RPRD2: variants seen among roughly 807,000 people sequenced by gnomAD.
RPRD2 encodes the protein regulation of nuclear pre-mRNA domain-containing protein 2.
A neutral mutation model predicts 104.4 loss-of-function variants in RPRD2; 12 were observed. The ratio of observed to expected loss-of-function variants is 0.11; its 90% CI spans 0.07 to 0.19. The LOEUF is 0.19. Ranked by LOEUF, RPRD2 falls within the 10% of genes least tolerant of loss-of-function variation. The probability of loss-of-function intolerance (pLI) is 1.00; values close to 1 mark genes in which losing one functional copy is unlikely to be tolerated. For synonymous variants in RPRD2, 714 were observed against 684.9 expected (o/e 1.04, Z -0.66); for missense variants, 1,543 against 1,790.1 (o/e 0.86, Z 2.49).
chr1:150,430,661 G>A (rs1412237358), intron 2 of RPRD2, among the ~76,000 whole-genome samples: 1 of 152,196 alleles, frequency 6.6e-6, no homozygotes, highest in African/African-American at 2.4e-5. Context: ...TGGGCGTGGT[G>A]GCTCACGCCT....
intron 7 of RPRD2, among the ~76,000 whole-genome samples, chr1:150,455,443 A>C (rs1164646553): frequency 2.0e-5 from 3 of 152,062 alleles, no homozygotes; most frequent in Non-Finnish European, 1.5e-5. Context: ...CAGAGGTTGC[A>C]GTGAGCCAAG....
chr1:150,432,041 T>G (rs952289206), intron 2 of RPRD2, among the ~76,000 whole-genome samples: 2 of 152,074 alleles, frequency 1.3e-5, no homozygotes, highest in Non-Finnish European at 2.9e-5. Context: ...ACAGTGTGAA[T>G]GTACTTAACT....
intron 1 of RPRD2, among the ~76,000 whole-genome samples, chr1:150,387,651 G>A (rs1038889103): frequency 2.4e-5 from 3 of 124,234 alleles, no homozygotes; most frequent in Non-Finnish European, 3.2e-5. Context: ...GAGTGCAGTG[G>A]CGTGATCTTG....
intron 10 of RPRD2, 106 bp from the exon 11 acceptor site, chr1:150,470,455 A>G (rs1489021352): frequency 1.7e-6 from 2 of 1,195,894 alleles, no homozygotes; most frequent in Non-Finnish European, 2.3e-6. Flanking sequence ...CACTTTGTCT[A>G]TCTGGTTCCC....
intron 1 of RPRD2, among the ~76,000 whole-genome samples, chr1:150,388,347 CACACAT>C (rs1367559602): frequency 2.6e-5 from 3 of 114,974 alleles, no homozygotes; most frequent in African/African-American, 8.8e-5. Context: ...TGTATATACA[CACACAT>C]ATACATATAT....
intron 2 of RPRD2, among the ~76,000 whole-genome samples, chr1:150,439,487 A>G (rs587755047): frequency 6.6e-6 from 1 of 152,326 alleles, no homozygotes; most frequent in African/African-American, 2.4e-5. Context: ...CTCAAAAAAA[A>G]AGAAAATTGT....
At chr1:150,393,467 A>C (rs998597539) in intron 1 of RPRD2, among the ~76,000 whole-genome samples, 7 of 151,682 alleles carry the variant, frequency 4.6e-5, no homozygotes, top group African/African-American at 1.2e-4. Context: ...AAAAAAAAAA[A>C]AAAAAAAAAA....
rs35517552 is a variant in RPRD2 at position 150,437,977 on chromosome 1, TAAAAA to T, written c.336-2930_336-2926del. Among the ~76,000 whole-genome samples the T allele has an allele frequency of 3.9e-5, 5 of 129,636 alleles. No individual in the cohort carries two copies. In the South Asian group the frequency reaches 7.6e-4, roughly 20 times the overall value. The allele number at this position is 129,636 out of a possible 152,430, so 85.0% of individuals were successfully genotyped here. A position where few individuals can be genotyped will look rare whatever the true frequency, so the allele number is the denominator to read the frequency against. ...TGCTGAGATTCTTTCTGTCATTATT[TAAAAA>T]AAAAAAAAAAAAAAAGTTGAGCCAG... On this transcript the variant is annotated intron_variant, in intron 2 of 10. Transcript: ENST00000369068.
rs763967037 is a variant in RPRD2 at position 150,471,021 on chromosome 1, C to G, written c.2073C>G (p.Ile691Met). Reference sequence around the variant, plus strand: ...GTGGCTTAAACTTAAACATCCCAATCCTGAGCAGTTTGGGGTCCAGCGCCC... The same window carrying G: ...GTGGCTTAAACTTAAACATCCCAATGCTGAGCAGTTTGGGGTCCAGCGCCC... The part of the protein sequence containing the change: ...GFSGLNLNIP[I>M]LSSLGSSAPS... Residue 691 changes from isoleucine to methionine, a missense_variant, in exon 11 of 11, where the codon ATC becomes ATG. Coordinates refer to ENST00000369068, the MANE Select transcript of RPRD2 (RefSeq NM_015203.5). This position sits in a 1 kb window ranked among gnomAD's most constrained non-coding sequence, Gnocchi z 5.3. 1.4e-5 allele frequency: 23 copies of G among 1,613,870 alleles called. No individual in the cohort carries two copies. Among genetic ancestry groups the G allele is most frequent in the Non-Finnish European group, 1.9e-5 (22 of 1,179,900 alleles).
intron 1 of RPRD2, among the ~76,000 whole-genome samples, chr1:150,398,339 G>A (rs1470138653): frequency 6.6e-6 from 1 of 151,934 alleles, no homozygotes; most frequent in Non-Finnish European, 1.5e-5. Context: ...TGGGACTACA[G>A]GTGCCTGCCA....
In RPRD2 at chr1:150,473,936, AAGTTT is replaced by A. The variant is rs1221525006; in HGVS notation, c.*607_*611del. 6.6e-6 allele frequency: 1 copy of A among 152,110 alleles called. No individual in the cohort carries two copies. The highest frequency in any genetic ancestry group is 1.5e-5 in the Non-Finnish European group (1 of 68,016). 9.4% of individuals were successfully genotyped at this position (152,110 alleles called of 1,614,324 possible). A position where few individuals can be genotyped will look rare whatever the true frequency, so the allele number is the denominator to read the frequency against. On this transcript the variant is annotated 3_prime_UTR_variant, in exon 11 of 11. Coordinates refer to ENST00000369068, the MANE Select transcript of RPRD2 (RefSeq NM_015203.5). ...TTGTTTTGTTTTTAAAGGCATGTTGAAGTTTAGTTCTTTACCCTTCTCCTAAAATC... is the reference window on the plus strand; with the variant it reads ...TTGTTTTGTTTTTAAAGGCATGTTGAAGTTCTTTACCCTTCTCCTAAAATC...
At chr1:150,466,035 T>A (rs67197133) in intron 10 of RPRD2, among the ~76,000 whole-genome samples, 2,694 of 53,412 alleles carry the variant, frequency 0.05, 46 homozygotes, top group Non-Finnish European at 0.1. Context: ...AAAAAAAAAA[T>A]TTTTTTATGA....
chr1:150,452,335 C>T (rs1667243229), intron 7 of RPRD2, among the ~76,000 whole-genome samples: 1 of 152,110 alleles, frequency 6.6e-6, no homozygotes, highest in South Asian at 2.1e-4. Context: ...AGAGCACAGC[C>T]TGCTGACATC....
chr1:150,464,530 T>A lies in RPRD2; in HGVS notation c.1415T>A (p.Val472Asp). The A allele has an allele frequency of 6.3e-7, 1 of 1,595,342 alleles. No homozygotes were observed. The highest frequency in any genetic ancestry group is 1.1e-5 in the South Asian group (1 of 88,370). ...SLTSVMKNTGVSPASRPSPGT... is the reference protein window; with the variant it reads ...SLTSVMKNTGDSPASRPSPGT... ...GAGTTCATCTTTCTGCCACCAGGGGTCAGTCCTGCATCAAGACCTTCTCCA... is the reference window on the plus strand; with the variant it reads ...GAGTTCATCTTTCTGCCACCAGGGGACAGTCCTGCATCAAGACCTTCTCCA... The change falls in exon 10 of 11, where the codon GTC (valine) becomes GAC (aspartate). Residue 472 changes from valine (V) to aspartate (D), a missense_variant. By Grantham distance (152) the Val-to-Asp change is radical. Coordinates refer to ENST00000369068, the MANE Select transcript of RPRD2 (RefSeq NM_015203.5).
At chr1:150,389,744 C>T (rs1335418029) in intron 1 of RPRD2, among the ~76,000 whole-genome samples, 1 of 152,144 alleles carries the variant, frequency 6.6e-6, no homozygotes, top group East Asian at 1.9e-4. Flanking sequence ...CATTAACAAG[C>T]ACACATTTTA....
At chr1:150,411,727 G>A (rs1663934094) in intron 1 of RPRD2, among the ~76,000 whole-genome samples, 1 of 125,570 alleles carries the variant, frequency 8.0e-6, no homozygotes, top group Non-Finnish European at 1.6e-5. Context: ...GGAGGCGGAG[G>A]TTGCAGTGAG....
intron 1 of RPRD2, among the ~76,000 whole-genome samples, chr1:150,371,644 C>T (rs1439929458): frequency 2.0e-5 from 3 of 152,198 alleles, no homozygotes; most frequent in Non-Finnish European, 4.4e-5. Context: ...GCTGGGATTA[C>T]AGGCATGAGC....
chr1:150,444,414 CT>C (rs1553895192), intron 6 of RPRD2, 37 bp downstream of exon 6: 1 of 1,597,550 alleles, frequency 6.3e-7, no homozygotes, highest in African/African-American at 1.3e-5. Flanking sequence ...GTCAGATTTT[CT>C]TTCCATATGT....
chr1:150,364,279 C>T lies in RPRD2; in HGVS notation c.-436C>T, dbSNP rs1420347732. On this transcript the variant is annotated 5_prime_UTR_variant, in exon 1 of 11. Coordinates refer to ENST00000369068, the MANE Select transcript of RPRD2 (RefSeq NM_015203.5). Reference sequence around the variant, plus strand: ...CTGAAGGGGCAGTCGGGTAGTATTACATTTAAGATATTAACGCCCGACCTG... The same window carrying T: ...CTGAAGGGGCAGTCGGGTAGTATTATATTTAAGATATTAACGCCCGACCTG... Among the ~76,000 whole-genome samples, 1 of 152,172 alleles carries T rather than the reference C, an allele frequency of 6.6e-6. No individual in the cohort carries two copies. Among genetic ancestry groups the T allele is most frequent in the African/African-American group, 2.4e-5 (1 of 41,444 alleles).
Sources: gnomAD v4.1 joint callset for allele counts (sites outside exome capture counted in the v4.1 genomes callset) on GRCh38, gnomAD v4.1.1 for gene constraint, Gnocchi (gnomAD v3.1) non-coding constraint, MANE v1.5 for transcripts, NCBI Gene and HGNC (gene_info 2026-07-23, HGNC 2026-07-21) for gene names.